The following COL12A1 variants were observed in gnomAD, a reference collection of about 807,000 sequenced individuals.
COL12A1 encodes the protein collagen type XII alpha 1 chain.
COL12A1 carries 114 observed loss-of-function variants against 349.7 expected under a neutral mutation model. That is an observed-to-expected ratio of 0.33 (90% CI 0.28 to 0.38). COL12A1 has a LOEUF of 0.38. Ranked by LOEUF, COL12A1 falls within the 10% of genes least tolerant of loss-of-function variation. The pLI, the probability that COL12A1 is intolerant of heterozygous loss-of-function variation, is 1.00. For synonymous variants in COL12A1, 1,369 were observed against 1,329.0 expected (o/e 1.03, Z -0.66); for missense variants, 3,284 against 3,756.9 (o/e 0.87, Z 3.29).
chr6:75,175,188 C>G lies in COL12A1; in HGVS notation c.2560G>C (p.Gly854Arg). 2 of 1,614,130 alleles carry G rather than the reference C, an allele frequency of 1.2e-6. No homozygotes were observed. Among genetic ancestry groups the G allele is most frequent in the Non-Finnish European group, 1.7e-6 (2 of 1,180,032 alleles). Residue 854 changes from glycine (G) to arginine (R), a missense_variant, in exon 13 of 66, where the codon GGT becomes CGT. Transcript: ENST00000322507. ...CTCACAGTGACCTCTTGAGTTTCAC[C>G]CCCTGCCACTGGGGTATATGTGACG... ...YLVTYTPVAG[G>R]ETQEVTVRGD...
At chr6:75,111,580 A>G (rs1012182380) in intron 51 of COL12A1, among the ~76,000 whole-genome samples, 7 of 151,840 alleles carry the variant, frequency 4.6e-5, no homozygotes, top group Non-Finnish European at 7.4e-5. Flanking sequence ...TGAAAGGAAA[A>G]ATAAAAATAG....
At chr6:75,149,428 G>A (rs1185769273) in intron 21 of COL12A1, among the ~76,000 whole-genome samples, 1 of 152,074 alleles carries the variant, frequency 6.6e-6, no homozygotes, top group Non-Finnish European at 1.5e-5. Context: ...AGCTGACAAT[G>A]TATCACTGGA....
rs970345006 is a variant in COL12A1, at chr6:75,085,498, A to G, written c.*1049T>C. 2.1e-5 allele frequency: 7 copies of G among 326,292 alleles called. No homozygotes were observed. The highest frequency in any genetic ancestry group is 4.6e-5 in the Non-Finnish European group (7 of 153,262). The allele number at this position is 326,292 out of a possible 1,614,324, so 20.2% of individuals were successfully genotyped here. On this transcript the variant is annotated 3_prime_UTR_variant, in exon 66 of 66. Coordinates refer to ENST00000322507, the MANE Select transcript of COL12A1 (RefSeq NM_004370.6). ...CATAACTATAAATAGATAAGTTACA[A>G]TGTCCCAATTATTTCCAGATAATTT...
At position 75,087,721 on chromosome 6, in the gene COL12A1, G is replaced by A. The variant is rs1562085020; in HGVS notation, c.9037C>T (p.Pro3013Ser). Residue 3013 changes from proline to serine, a missense_variant, in exon 65 of 66, where the codon CCA becomes TCA. Physicochemically the swap from Pro to Ser is moderately conservative, Grantham distance 74 (BLOSUM62 -1). This residue lies in a region of COL12A1 where 683 missense variants were observed against 932.1 expected (regional missense o/e 0.73). Coordinates refer to ENST00000322507, the MANE Select transcript of COL12A1 (RefSeq NM_004370.6). ...PGPQGESRTG[P>S]PGSTGSRGPP... is the part of the protein sequence containing the mutation. ...CCTCTTGAACCTGTGGACCCTGGTGGACCTGTTCTGGATTCTCCTTGTGGA... is the reference window on the plus strand; with the variant it reads ...CCTCTTGAACCTGTGGACCCTGGTGAACCTGTTCTGGATTCTCCTTGTGGA... 2.5e-6 allele frequency: 4 copies of A among 1,607,518 alleles called. No homozygotes were observed. The highest frequency in any genetic ancestry group is 3.4e-6 in the Non-Finnish European group (4 of 1,178,140).
chr6:75,088,865 G>T (rs77905204), intron 64 of COL12A1, among the ~76,000 whole-genome samples: 1 of 152,028 alleles, frequency 6.6e-6, no homozygotes, highest in African/African-American at 2.4e-5. Flanking sequence ...GCCAGGCGTG[G>T]TGGCGGGCGC....
chr6:75,116,612 C>T (rs1769095111), intron 47 of COL12A1, among the ~76,000 whole-genome samples: 1 of 152,158 alleles, frequency 6.6e-6, no homozygotes, highest in South Asian at 2.1e-4. Context: ...TGCAGCTCCA[C>T]TCCGAACTTC....
chr6:75,122,539 T>A (rs1251504622), intron 43 of COL12A1, among the ~76,000 whole-genome samples: 1 of 152,206 alleles, frequency 6.6e-6, no homozygotes, highest in Non-Finnish European at 1.5e-5. Context: ...AAACTTGTTT[T>A]TAAACCAAGA....
intron 8 of COL12A1, among the ~76,000 whole-genome samples, chr6:75,187,239 C>G (rs1323765916): frequency 6.6e-6 from 1 of 150,568 alleles, no homozygotes; most frequent in Non-Finnish European, 1.5e-5. Flanking sequence ...ACATGGAAAT[C>G]TGGCCAAACC....
At chr6:75,150,262 A>G (rs1160123133) in intron 21 of COL12A1, among the ~76,000 whole-genome samples, 1 of 152,190 alleles carries the variant, frequency 6.6e-6, no homozygotes, top group Non-Finnish European at 1.5e-5. Flanking sequence ...TTTGGTGATT[A>G]CCATGTTTTG....
intron 52 of COL12A1, 75 bp downstream of exon 52, chr6:75,108,943 T>TCTCC: frequency 6.9e-7 from 1 of 1,441,852 alleles, no homozygotes; most frequent in Non-Finnish European, 9.5e-7. Flanking sequence ...AAAATAAAAC[T>TCTCC]CAAGGAGTTG....
intron 59 of COL12A1, among the ~76,000 whole-genome samples, chr6:75,096,828 G>A (rs1242225938): frequency 2.7e-5 from 4 of 149,330 alleles, no homozygotes; most frequent in African/African-American, 4.9e-5. Flanking sequence ...CCCGGGAGGC[G>A]GAGCTTGCAG....
chr6:75,135,027 T>C (rs906996295), intron 31 of COL12A1, among the ~76,000 whole-genome samples, 172 bp from the exon 32 acceptor site: 2 of 152,082 alleles, frequency 1.3e-5, no homozygotes, highest in Non-Finnish European at 2.9e-5. Context: ...AAATGTAAAA[T>C]ATGCACCTCA....
intron 20 of COL12A1, 49 bp from the exon 21 acceptor site, chr6:75,151,336 T>C (rs1270851985): frequency 6.4e-7 from 1 of 1,556,630 alleles, no homozygotes; most frequent in Non-Finnish European, 8.8e-7. Context: ...AGAAAAAAAT[T>C]AATGGAATGA....
Position 75,124,332 on chromosome 6 carries a change from C to T in COL12A1, c.6647G>A (p.Gly2216Glu), listed in dbSNP as rs761964344. ...CCATTTGACACAGAATGTATCCCAC[C>T]CAATCTGGTAAGTTTTCAGATCTGT... is the stretch of plus-strand genomic sequence containing the variant. ...NVTDLKTYQIGWDTFCVKWSP... is the reference protein window; with the variant it reads ...NVTDLKTYQIEWDTFCVKWSP... The change falls in exon 41 of 66, where the codon GGG (glycine) becomes GAG (glutamate). Residue 2216 changes from glycine (G) to glutamate (E), a missense_variant. Gly to Glu is a moderately conservative substitution (Grantham distance 98). This residue lies in a region of COL12A1 where 2,601 missense variants were observed against 2,824.8 expected (regional missense o/e 0.92). Coordinates refer to ENST00000322507, the MANE Select transcript of COL12A1 (RefSeq NM_004370.6). The T allele has an allele frequency of 6.2e-7, 1 of 1,613,044 alleles. No homozygotes were observed. The highest frequency in any genetic ancestry group is 8.5e-7 in the Non-Finnish European group (1 of 1,179,496).
chr6:75,176,172 T>C (rs1424274104), intron 12 of COL12A1, among the ~76,000 whole-genome samples: 1 of 152,016 alleles, frequency 6.6e-6, no homozygotes, highest in Non-Finnish European at 1.5e-5. Context: ...AACAGGCTAA[T>C]GAGCTAGGTT....
chr6:75,164,995 C>G (rs976847959), intron 14 of COL12A1, among the ~76,000 whole-genome samples: 1 of 151,988 alleles, frequency 6.6e-6, no homozygotes, highest in African/African-American at 2.4e-5. Flanking sequence ...GTATGATAAT[C>G]ATAGTTTCAA....
chr6:75,198,420 C>T (rs538859363), intron 2 of COL12A1, among the ~76,000 whole-genome samples: 1 of 151,080 alleles, frequency 6.6e-6, no homozygotes, highest in Admixed American at 6.6e-5. Flanking sequence ...TTTATATATA[C>T]ATACATGTAT....
intron 13 of COL12A1, among the ~76,000 whole-genome samples, chr6:75,172,347 G>A (rs145295238): frequency 2.0e-5 from 3 of 152,062 alleles, no homozygotes; most frequent in Admixed American, 6.5e-5. Flanking sequence ...TTTTAGAATC[G>A]AGAAGATTTT....
rs780414376 is a variant in COL12A1, at chr6:75,101,990, C to A, written c.8469+9G>T. On this transcript the variant is annotated intron_variant, in intron 57 of 65. Coordinates refer to ENST00000322507, the MANE Select transcript of COL12A1 (RefSeq NM_004370.6). ...AGCACATGACAGGGCAACTTAGAGA[C>A]CAACTCACTGTTCGGCCTGGAAGTC... 4.5e-5 allele frequency: 73 copies of A among 1,614,082 alleles called. 1 individual carries two copies. In the South Asian group the frequency reaches 7.5e-4, roughly 17 times the overall value.
Sources: gnomAD v4.1 joint callset for allele counts (sites outside exome capture counted in the v4.1 genomes callset) on GRCh38, gnomAD v4.1.1 for gene constraint, gnomAD v4.1.1 regional missense constraint, MANE v1.5 for transcripts, NCBI Gene and HGNC (gene_info 2026-07-23, HGNC 2026-07-21) for gene names.